The following HORMAD2 variants were observed in gnomAD, a reference collection of about 807,000 sequenced individuals.
The protein encoded by HORMAD2 is HORMA domain-containing protein 2.
Under a neutral mutation model 38.8 loss-of-function variants are expected in HORMAD2, and 45 were observed. The observed-to-expected ratio is 1.16, with a 90% CI of 0.91 to 1.49. HORMAD2 has a LOEUF of 1.49. Among genes scored for constraint, HORMAD2 ranks in the 40% most tolerant of loss-of-function variants. The pLI is 0.00. For synonymous variants in HORMAD2, 126 were observed against 122.8 expected (o/e 1.03, Z -0.17); for missense variants, 338 against 367.0 (o/e 0.92, Z 0.65).
At chr22:30,175,278 A>AATAATATATATT (rs1350090668) in intron 10 of HORMAD2, among the ~76,000 whole-genome samples, 1 of 142,424 alleles carries the variant, frequency 7.0e-6, no homozygotes, top group African/African-American at 2.6e-5. Context: ...TAATATATAT[A>AATAATATATATT]ATATAATATA....
rs9608848 is a variant in HORMAD2, at chr22:30,145,524, C to G, written c.819+23310C>G. ...GTTTTTGAAAAGGTCCAAATAGACC[C>G]TAGAGCTGAAAAATACCATATCTGA... On this transcript the variant is annotated intron_variant, in intron 10 of 10. Coordinates refer to ENST00000336726, the MANE Select transcript of HORMAD2 (RefSeq NM_152510.4). 2.4e-3 allele frequency among the ~76,000 whole-genome samples: 368 copies of G among 151,992 alleles called. 3 individuals carry two copies. Among genetic ancestry groups the G allele is most frequent in the Non-Finnish European group, 4.7e-3 (321 of 67,972 alleles).
chr22:30,093,741 T>G (rs2068732887), intron 1 of HORMAD2, among the ~76,000 whole-genome samples, 175 bp from the exon 2 acceptor site: 1 of 152,176 alleles, frequency 6.6e-6, no homozygotes, highest in Non-Finnish European at 1.5e-5. Context: ...CTTCAAAATG[T>G]AGCTTGGTAA....
At chr22:30,082,967 A>G (rs2068511007) in intron 1 of HORMAD2, among the ~76,000 whole-genome samples, 1 of 152,152 alleles carries the variant, frequency 6.6e-6, no homozygotes, top group Admixed American at 6.6e-5. Context: ...CAAAGTAGAC[A>G]TATCAAATGT....
At chr22:30,098,631 T>C (rs571728840) in intron 2 of HORMAD2, among the ~76,000 whole-genome samples, 1 of 152,324 alleles carries the variant, frequency 6.6e-6, no homozygotes, top group East Asian at 1.9e-4. Flanking sequence ...TAAATTGTTT[T>C]AGTCTTGAAT....
Position 30,136,840 on chromosome 22 carries a change from C to A in HORMAD2, c.819+14626C>A. The A allele has an allele frequency of 9.8e-6, 3 of 307,404 alleles. No homozygotes were observed. The South Asian group carries it at 1.5e-4, about 15-fold the overall frequency. 19.0% of individuals were successfully genotyped at this position (307,404 alleles called of 1,614,324 possible). On this transcript the variant is annotated intron_variant, in intron 10 of 10. Coordinates refer to ENST00000336726, the MANE Select transcript of HORMAD2 (RefSeq NM_152510.4). ...ATTTTTACTTTCCTAATGAAGACAC[C>A]ATGGAGAGGATAAACAGATAGGCAA...
intron 5 of HORMAD2, among the ~76,000 whole-genome samples, chr22:30,107,308 CA>C (rs1921274069): frequency 6.6e-6 from 1 of 152,116 alleles, no homozygotes; most frequent in Non-Finnish European, 1.5e-5. Flanking sequence ...CTGACTCAGT[CA>C]AAATAGCTTG....
chr22:30,152,638 T>G (rs1190476150), intron 10 of HORMAD2, among the ~76,000 whole-genome samples: 1 of 152,328 alleles, frequency 6.6e-6, no homozygotes, highest in East Asian at 1.9e-4. Flanking sequence ...ACCTTGATCT[T>G]TTTTATATTG....
At chr22:30,193,794 G>A in the HORMAD2 span, among the ~76,000 whole-genome samples, 2 of 152,218 alleles carry the variant, frequency 1.3e-5, no homozygotes, top group Non-Finnish European at 2.9e-5. Flanking sequence ...TTCCCTTGCA[G>A]TTGAACATGG....
At chr22:30,095,713 G>A (rs1406411984) in intron 2 of HORMAD2, among the ~76,000 whole-genome samples, 1 of 152,086 alleles carries the variant, frequency 6.6e-6, no homozygotes, top group Non-Finnish European at 1.5e-5. Context: ...TTCATACTTT[G>A]GAAATGGGAA....
intron 10 of HORMAD2, among the ~76,000 whole-genome samples, chr22:30,146,390 G>A (rs1924418642): frequency 6.6e-6 from 1 of 152,160 alleles, no homozygotes; most frequent in Non-Finnish European, 1.5e-5. Context: ...AGCTGCTTGG[G>A]AGGCTGAGGC....
chr22:30,078,266 T>C (rs955086601), upstream of HORMAD2, among the ~76,000 whole-genome samples: 3 of 152,126 alleles, frequency 2.0e-5, no homozygotes, highest in African/African-American at 7.2e-5. Context: ...ACTTACTTAC[T>C]TATTCCAGGT....
chr22:30,085,586 T>C (rs1203975124), intron 1 of HORMAD2, among the ~76,000 whole-genome samples: 2 of 152,076 alleles, frequency 1.3e-5, no homozygotes, highest in Non-Finnish European at 2.9e-5. Flanking sequence ...AAACCCCATC[T>C]CTACTAAAAA....
chr22:30,182,039 A>G (rs940857497), downstream of HORMAD2, among the ~76,000 whole-genome samples: 2 of 152,224 alleles, frequency 1.3e-5, no homozygotes, highest in Non-Finnish European at 2.9e-5. Context: ...GCAAAGGAAC[A>G]TTTTATCAAT....
Position 30,146,541 on chromosome 22 carries a change from GTATAA to G in HORMAD2, c.819+24328_819+24332del, listed in dbSNP as rs1252466960. Among the ~76,000 whole-genome samples, 3 of 152,084 alleles carry G rather than the reference GTATAA, an allele frequency of 2.0e-5. No individual in the cohort carries two copies. The East Asian group carries it at 5.8e-4, about 29-fold the overall frequency. ...AATGAAAACTTCAGGAAAACAAGGA[GTATAA>G]AGGAACTTCCTTGACTGTATAAAAG... On this transcript the variant is annotated intron_variant, in intron 10 of 10. Transcript: ENST00000336726.
At chr22:30,175,212 ATT>A (rs1926358115) in intron 10 of HORMAD2, among the ~76,000 whole-genome samples, 1 of 132,852 alleles carries the variant, frequency 7.5e-6, no homozygotes, top group South Asian at 2.4e-4. Flanking sequence ...AAATATATAT[ATT>A]ATATATTATA....
chr22:30,201,083 A>C, the HORMAD2 span, among the ~76,000 whole-genome samples: 1 of 152,100 alleles, frequency 6.6e-6, no homozygotes, highest in Non-Finnish European at 1.5e-5. Flanking sequence ...TGAAGGCTGG[A>C]AATCTGAAAT....
the HORMAD2 span, among the ~76,000 whole-genome samples, chr22:30,187,715 A>G: frequency 6.6e-6 from 1 of 152,120 alleles, no homozygotes; most frequent in African/African-American, 2.4e-5. Context: ...GATTTAGCAG[A>G]TGCATTTTTT....
chr22:30,169,029 T>C (rs1457042134), intron 10 of HORMAD2, among the ~76,000 whole-genome samples: 2 of 152,178 alleles, frequency 1.3e-5, no homozygotes, highest in African/African-American at 4.8e-5. Flanking sequence ...GGTATCCTGC[T>C]TTATATCCCT....
intron 10 of HORMAD2, among the ~76,000 whole-genome samples, chr22:30,150,162 A>G (rs1479417565): frequency 6.6e-6 from 1 of 152,136 alleles, no homozygotes; most frequent in Non-Finnish European, 1.5e-5. Context: ...TGGGCCCACC[A>G]GTATTTAGAT....
Sources: gnomAD v4.1 joint callset for allele counts (sites outside exome capture counted in the v4.1 genomes callset) on GRCh38, gnomAD v4.1.1 for gene constraint, MANE v1.5 for transcripts, NCBI Gene and HGNC (gene_info 2026-07-23, HGNC 2026-07-21) for gene names.